CEP95: variants seen among roughly 807,000 people sequenced by gnomAD.
The protein encoded by CEP95 is centrosomal protein 95, also known as centrosomal protein of 95 kDa.
Under a neutral mutation model 111.2 loss-of-function variants are expected in CEP95, and 98 were observed. The ratio of observed to expected loss-of-function variants is 0.88; its 90% CI spans 0.75 to 1.04. The LOEUF is 1.04. Among genes scored for constraint, CEP95 ranks in the 50% least tolerant of loss-of-function variants. CEP95 has a pLI of 0.00. For synonymous variants in CEP95, 323 were observed against 327.1 expected (o/e 0.99, Z 0.14); for missense variants, 1,027 against 977.2 (o/e 1.05, Z -0.68).
intron 5 of CEP95, among the ~76,000 whole-genome samples, chr17:64,517,312 G>T (rs1966940655): frequency 6.6e-6 from 1 of 152,118 alleles, no homozygotes; most frequent in South Asian, 2.1e-4. Flanking sequence ...CTCCCAAAGT[G>T]CTGGGATTAC....
chr17:64,510,689 A>G lies in CEP95; in HGVS notation c.256+409A>G, dbSNP rs932504464. ...CTCAGCCTCCCGGGTAGCCGGGGCT[A>G]CAGGTGTGCACCACCATGCCTGGCT... is the stretch of plus-strand genomic sequence containing the variant. On this transcript the variant is annotated intron_variant, in intron 3 of 19. Coordinates refer to ENST00000556440, the MANE Select transcript of CEP95 (RefSeq NM_138363.3). Among the ~76,000 whole-genome samples the G allele has an allele frequency of 3.9e-5, 6 of 152,186 alleles. No individual in the cohort carries two copies. In the East Asian group the frequency reaches 5.8e-4, roughly 15 times the overall value.
rs1447575883 is a variant in CEP95, at chr17:64,508,953, TACCCTGTGGA to T, written c.148+238_148+247del. 4.6e-5 allele frequency among the ~76,000 whole-genome samples: 7 copies of T among 152,094 alleles called. No individual in the cohort carries two copies. In the South Asian group the frequency reaches 6.2e-4, roughly 13 times the overall value. ...TTATAATATTGTATTCCTTAAGGAA[TACCCTGTGGA>T]ACCCACTCATAATAACGGCCTTGAG... On this transcript the variant is annotated intron_variant, in intron 2 of 19. Coordinates refer to ENST00000556440, the MANE Select transcript of CEP95 (RefSeq NM_138363.3).
chr17:64,522,477 A>G (rs1463134599), intron 7 of CEP95, among the ~76,000 whole-genome samples: 2 of 151,798 alleles, frequency 1.3e-5, no homozygotes, highest in African/African-American at 4.8e-5. Context: ...CCTCATCTCT[A>G]CTTTTTTTAA....
intron 4 of CEP95, chr17:64,514,880 A>G (rs1450502924): frequency 6.4e-6 from 1 of 155,898 alleles, no homozygotes; most frequent in Non-Finnish European, 1.4e-5. Context: ...GGAATAATAT[A>G]TTACCTGTTC....
At chr17:64,522,412 C>T in intron 7 of CEP95, among the ~76,000 whole-genome samples, 1 of 151,570 alleles carries the variant, frequency 6.6e-6, no homozygotes. Context: ...GAGGCCGAGG[C>T]AGGAGGATCA....
In CEP95 at chr17:64,507,032, G is replaced by T; in HGVS notation, c.-66G>T. ...CCCCAGTGTCGGGTCTGCGTGGATC[G>T]GTCCTTCCAGGACACCGTCGCCTTC... On this transcript the variant is annotated 5_prime_UTR_variant, in exon 1 of 20. Transcript: ENST00000556440. The T allele has an allele frequency of 6.5e-7, 1 of 1,542,652 alleles. No individual in the cohort carries two copies. Among genetic ancestry groups the T allele is most frequent in the South Asian group, 1.2e-5 (1 of 83,860 alleles).
At chr17:64,519,814 C>T (rs971969784) in intron 6 of CEP95, among the ~76,000 whole-genome samples, 2 of 152,200 alleles carry the variant, frequency 1.3e-5, no homozygotes, top group Non-Finnish European at 2.9e-5. Flanking sequence ...TATGCAGTAG[C>T]AATTTTTCTT....
intron 10 of CEP95, among the ~76,000 whole-genome samples, 191 bp downstream of exon 10, chr17:64,526,391 G>T (rs1422319439): frequency 6.6e-6 from 1 of 152,104 alleles, no homozygotes; most frequent in Non-Finnish European, 1.5e-5. Flanking sequence ...ACTAAATTTG[G>T]TGCAGATTTA....
rs782467929 is a variant in CEP95, at chr17:64,537,719, G to A, written c.2406G>A (p.Glu802=). ...DDVFFRELEA[E]RFRSRLQLAS... ...TTTTCTTCCGGGAACTGGAAGCTGAGCGCTTCAGATCTCGGCTTCAGCTGG... is the reference window on the plus strand; with the variant it reads ...TTTTCTTCCGGGAACTGGAAGCTGAACGCTTCAGATCTCGGCTTCAGCTGG... The change falls in exon 20 of 20, where the codon GAG becomes GAA. Residue 802 remains glutamate (E), a synonymous_variant. Transcript: ENST00000556440. 8 of 1,612,598 alleles carry A rather than the reference G, an allele frequency of 5.0e-6. No homozygotes were observed. The Admixed American group carries it at 1.0e-4, about 20-fold the overall frequency.
In CEP95 at chr17:64,525,179, A is replaced by G. The variant is rs989375482; in HGVS notation, c.910-591A>G. On this transcript the variant is annotated intron_variant, in intron 8 of 19. Coordinates refer to ENST00000556440, the MANE Select transcript of CEP95 (RefSeq NM_138363.3). Reference sequence around the variant, plus strand: ...AACATGCGAAACACCGTCTTTACTAAAAATACACAAAAAAATTAGCCAGGT... The same window carrying G: ...AACATGCGAAACACCGTCTTTACTAGAAATACACAAAAAAATTAGCCAGGT... Among the ~76,000 whole-genome samples the G allele has an allele frequency of 5.9e-5, 9 of 151,988 alleles. 1 individual carries two copies. Among genetic ancestry groups the G allele is most frequent in the East Asian group, 3.9e-4 (2 of 5,182 alleles).
chr17:64,507,289 C>T (rs1555673264), intron 1 of CEP95, 173 bp downstream of exon 1: 3 of 1,468,190 alleles, frequency 2.0e-6, no homozygotes, highest in African/African-American at 2.8e-5. Context: ...CACCTCTTCG[C>T]TTCGAGGCCG....
At chr17:64,521,347 T>A in intron 6 of CEP95, 55 bp from the exon 7 acceptor site, 2 of 1,359,434 alleles carry the variant, frequency 1.5e-6, no homozygotes, top group Non-Finnish European at 2.1e-6. Context: ...TAGTATAATG[T>A]TCAGCAAACT....
At chr17:64,521,641 C>A in intron 7 of CEP95, 114 bp downstream of exon 7, 4 of 846,620 alleles carry the variant, frequency 4.7e-6, no homozygotes, top group Non-Finnish European at 6.9e-6. Context: ...TTTGGTCTTA[C>A]ATGATCTTAC....
In CEP95 at chr17:64,508,255, C is replaced by T. The variant is rs1220492011; in HGVS notation, c.20-337C>T. The T allele has an allele frequency of 6.1e-6, 6 of 985,292 alleles. No homozygotes were observed. The African/African-American group carries it at 7.0e-5, about 11-fold the overall frequency. 61.0% of individuals were successfully genotyped at this position (985,292 alleles called of 1,614,324 possible). A position where few individuals can be genotyped will look rare whatever the true frequency, so the allele number is the denominator to read the frequency against. The stretch of plus-strand genomic sequence containing the variant: ...AACTGTTGTTTATGACATAATATTC[C>T]TGTTTACTTGTAAATATGTTTTAAC... On this transcript the variant is annotated intron_variant, in intron 1 of 19. Coordinates refer to ENST00000556440, the MANE Select transcript of CEP95 (RefSeq NM_138363.3).
At chr17:64,516,578 C>CT in intron 4 of CEP95, 145 bp from the exon 5 acceptor site, 1 of 468,186 alleles carries the variant, frequency 2.1e-6, no homozygotes, top group Middle Eastern at 2.9e-4. Flanking sequence ...TGATTTGGTT[C>CT]TTTCTGATTG....
At chr17:64,537,329 GAC>G in intron 19 of CEP95, 1 of 1,405,368 alleles carries the variant, frequency 7.1e-7, no homozygotes, top group Non-Finnish European at 9.3e-7. Context: ...ATCATTAAGT[GAC>G]ACATGACTAA....
intron 2 of CEP95, among the ~76,000 whole-genome samples, chr17:64,509,810 C>G (rs1189913549): frequency 1.3e-5 from 2 of 151,972 alleles, no homozygotes; most frequent in African/African-American, 2.4e-5. Flanking sequence ...TCTTGGCTCC[C>G]TTATTAGACT....
At chr17:64,507,528 C>T in intron 1 of CEP95, 2 of 1,112,488 alleles carry the variant, frequency 1.8e-6, no homozygotes, top group East Asian at 6.7e-5. Context: ...ATTTATTATG[C>T]CCCTGCAGAA....
intron 1 of CEP95, chr17:64,507,612 A>G (rs782693335): frequency 1.3e-5 from 13 of 992,036 alleles, no homozygotes; most frequent in Middle Eastern, 5.1e-4. Context: ...GGCTTTGTCT[A>G]GCACCGCTTT....
Sources: allele counts gnomAD v4.1 joint callset (sites outside exome capture counted in the v4.1 genomes callset), GRCh38; gene constraint gnomAD v4.1.1; transcripts MANE v1.5; gene names NCBI Gene and HGNC (gene_info 2026-07-23, HGNC 2026-07-21).